ENTPD3: variants seen among roughly 807,000 people sequenced by gnomAD.
ENTPD3 encodes ectonucleoside triphosphate diphosphohydrolase 3, also known as CD39 antigen-like 3.
ENTPD3 carries 60 observed loss-of-function variants against 51.2 expected under a neutral mutation model. The observed-to-expected ratio is 1.17, with a 90% CI of 0.95 to 1.45. ENTPD3 has a LOEUF of 1.45. ENTPD3 is among the 40% of genes most tolerant of loss of function. The probability of loss-of-function intolerance (pLI) is 0.00; values close to 1 mark genes in which losing one functional copy is unlikely to be tolerated. For synonymous variants in ENTPD3, 221 were observed against 238.4 expected (o/e 0.93, Z 0.67); for missense variants, 593 against 641.1 (o/e 0.93, Z 0.81).
chr3:40,411,184 A>C (rs1955620827), intron 4 of ENTPD3, among the ~76,000 whole-genome samples: 1 of 151,756 alleles, frequency 6.6e-6, no homozygotes, highest in African/African-American at 2.4e-5. Context: ...CCAGCTACTC[A>C]TGAAACTGAG....
At chr3:40,426,410 TA>T (rs1278563656) in intron 10 of ENTPD3, among the ~76,000 whole-genome samples, 2 of 152,026 alleles carry the variant, frequency 1.3e-5, no homozygotes, top group Non-Finnish European at 2.9e-5. Flanking sequence ...TGGCCACAGA[TA>T]TCATTTTTAA....
Position 40,395,000 on chromosome 3 carries a change from G to A in ENTPD3, c.168+2850G>A, listed in dbSNP as rs142968341. Among the ~76,000 whole-genome samples, 53 of 152,242 alleles carry A rather than the reference G, an allele frequency of 3.5e-4. No individual in the cohort carries two copies. The East Asian group carries it at 7.4e-3, about 21-fold the overall frequency. ...CAAGACTTCAGAATCTAGGGTCTTC[G>A]TGGACCTCCAGAAGGTGGACATCAC... On this transcript the variant is annotated intron_variant, in intron 3 of 10. Transcript: ENST00000301825.
chr3:40,425,088 T>G (rs1955956405), intron 10 of ENTPD3: 1 of 238,814 alleles, frequency 4.2e-6, no homozygotes, highest in South Asian at 6.2e-5. Flanking sequence ...TTTTTAATTA[T>G]AAAGAATTTT....
chr3:40,416,855 G>A (rs749530872), intron 7 of ENTPD3, among the ~76,000 whole-genome samples: 5 of 152,084 alleles, frequency 3.3e-5, no homozygotes, highest in African/African-American at 4.8e-5. Flanking sequence ...GGGACTCAAA[G>A]GCAGGGGAAT....
chr3:40,409,563 C>A lies in ENTPD3; in HGVS notation c.287-2249C>A, dbSNP rs562868119. Among the ~76,000 whole-genome samples the A allele has an allele frequency of 9.8e-4, 149 of 152,254 alleles. 1 individual carries two copies. The highest frequency in any genetic ancestry group is 3.5e-3 in the African/African-American group (145 of 41,534). ...CACATCCAAGCAAAACTTGTAATTA[C>A]AATGCTCAGGTTTTTTTATTGGTTT... On this transcript the variant is annotated intron_variant, in intron 4 of 10. Transcript: ENST00000301825.
At chr3:40,389,273 C>T (rs1955005480) in intron 2 of ENTPD3, among the ~76,000 whole-genome samples, 3 of 152,194 alleles carry the variant, frequency 2.0e-5, no homozygotes, top group Admixed American at 1.3e-4. Context: ...CTAACACTGA[C>T]AAATGCATTC....
At chr3:40,411,057 G>A (rs532146144) in intron 4 of ENTPD3, among the ~76,000 whole-genome samples, 6 of 152,156 alleles carry the variant, frequency 3.9e-5, no homozygotes, top group South Asian at 2.1e-4. Context: ...GTGGGAGGTC[G>A]AGGCAGGTGG....
intron 2 of ENTPD3, chr3:40,390,924 A>T (rs1297063187): frequency 6.6e-6 from 1 of 152,154 alleles, no homozygotes; most frequent in Non-Finnish European, 1.5e-5. Flanking sequence ...CTTCAAATAA[A>T]TGAAATCATT....
chr3:40,402,934 T>C (rs1283955553), intron 4 of ENTPD3, among the ~76,000 whole-genome samples: 1 of 152,186 alleles, frequency 6.6e-6, no homozygotes, highest in Admixed American at 6.5e-5. Context: ...TCTTCCTCGT[T>C]CGAGCATTAG....
chr3:40,393,040 C>T (rs189741723), intron 3 of ENTPD3, among the ~76,000 whole-genome samples: 2 of 152,102 alleles, frequency 1.3e-5, no homozygotes, highest in East Asian at 3.9e-4. Flanking sequence ...CCAGAGGCCC[C>T]TCTTAGTTCT....
At position 40,424,831 on chromosome 3, in the gene ENTPD3, A is replaced by C. The variant is rs1955952291; in HGVS notation, c.1353+868A>C. On this transcript the variant is annotated intron_variant, in intron 10 of 10. Coordinates refer to ENST00000301825, the MANE Select transcript of ENTPD3 (RefSeq NM_001248.4). ...CCTGTTCAATACCAGCTTCAGCAAT[A>C]ATTAGATTAAACCAATCAATATCCT... The C allele has an allele frequency of 4.3e-6, 3 of 700,360 alleles. No homozygotes were observed. The Admixed American group carries it at 6.0e-5, about 14-fold the overall frequency. The allele number at this position is 700,360 out of a possible 1,614,324, so 43.4% of individuals were successfully genotyped here. A position where few individuals can be genotyped will look rare whatever the true frequency, so the allele number is the denominator to read the frequency against.
At chr3:40,415,449 T>A (rs1955723785) in intron 6 of ENTPD3, among the ~76,000 whole-genome samples, 1 of 152,086 alleles carries the variant, frequency 6.6e-6, no homozygotes, top group African/African-American at 2.4e-5. Flanking sequence ...CAATTAACAT[T>A]TGGGAAATTT....
chr3:40,395,913 G>T (rs1453322089), intron 3 of ENTPD3, among the ~76,000 whole-genome samples: 3 of 152,150 alleles, frequency 2.0e-5, no homozygotes, highest in African/African-American at 7.2e-5. Flanking sequence ...GAGAAAACAG[G>T]AAAAGAAAGG....
At chr3:40,413,031 T>G (rs1955669745) in intron 5 of ENTPD3, among the ~76,000 whole-genome samples, 1 of 152,314 alleles carries the variant, frequency 6.6e-6, no homozygotes, top group African/African-American at 2.4e-5. Context: ...ACTGAAACCA[T>G]GTAATCTCAG....
rs1264758508 is a variant in ENTPD3 at position 40,415,845 on chromosome 3, C to T, written c.603C>T (p.Asn201=). ...TTCCTTTTCCCACTGTGCAGAAGAACCTGTGGCACATGTGGGTGCACCCGC... is the reference window on the plus strand; with the variant it reads ...TTCCTTTTCCCACTGTGCAGAAGAATCTGTGGCACATGTGGGTGCACCCGC... ...NYLMGNFLEK[N]LWHMWVHPHG... is the part of the protein sequence containing the mutation. The change falls in exon 7 of 11, where the codon AAC becomes AAT. Residue 201 remains asparagine, a synonymous_variant. Coordinates refer to ENST00000301825, the MANE Select transcript of ENTPD3 (RefSeq NM_001248.4). The T allele has an allele frequency of 6.2e-7, 1 of 1,613,358 alleles. No homozygotes were observed. The highest frequency in any genetic ancestry group is 1.3e-5 in the African/African-American group (1 of 74,902).
At chr3:40,423,553 G>A (rs1955923996) in intron 9 of ENTPD3, 152 bp downstream of exon 9, 3 of 721,786 alleles carry the variant, frequency 4.2e-6, no homozygotes, top group Non-Finnish European at 6.8e-6. Flanking sequence ...TCCCACACCT[G>A]TGGTGTGAAT....
rs770397511 is a variant in ENTPD3 at position 40,423,973 on chromosome 3, G to A, written c.1353+10G>A. ...ACACTTTGAAAAAGAAGTAAGTTAA[G>A]CACAAATCATTTTCTCTTCTTCTTC... is the stretch of plus-strand genomic sequence containing the variant. On this transcript the variant is annotated intron_variant, in intron 10 of 10. Transcript: ENST00000301825. 3 of 1,614,008 alleles carry A rather than the reference G, an allele frequency of 1.9e-6. No individual in the cohort carries two copies. The highest frequency in any genetic ancestry group is 2.5e-6 in the Non-Finnish European group (3 of 1,179,928).
intron 4 of ENTPD3, among the ~76,000 whole-genome samples, chr3:40,409,329 T>C (rs949167325): frequency 1.3e-5 from 2 of 152,212 alleles, no homozygotes; most frequent in Non-Finnish European, 2.9e-5. Flanking sequence ...TAGTGTTTCT[T>C]ACAGCTACTT....
chr3:40,391,636 A>G (rs1489757371), intron 2 of ENTPD3: 2 of 207,124 alleles, frequency 9.7e-6, no homozygotes, highest in Non-Finnish European at 1.9e-5. Context: ...AGATCACGGC[A>G]CAGCACTCTA....
Sources: allele counts gnomAD v4.1 joint callset (sites outside exome capture counted in the v4.1 genomes callset), GRCh38; gene constraint gnomAD v4.1.1; transcripts MANE v1.5; gene names NCBI Gene and HGNC (gene_info 2026-07-23, HGNC 2026-07-21).